Variants in ACOT13 observed in about 807,000 individuals in gnomAD.
ACOT13 encodes acyl-coenzyme A thioesterase 13.
In ACOT13, 10 loss-of-function variants were observed where a neutral mutation model predicts 11.8. The ratio of observed to expected loss-of-function variants is 0.85; its 90% CI spans 0.53 to 1.44. The LOEUF (loss-of-function observed/expected upper bound fraction) is 1.44. Among genes scored for constraint, ACOT13 ranks in the 40% most tolerant of loss-of-function variants. The probability of loss-of-function intolerance (pLI) is 0.00; values close to 1 mark genes in which losing one functional copy is unlikely to be tolerated. For synonymous variants in ACOT13, 53 were observed against 61.0 expected (o/e 0.87, Z 0.61); for missense variants, 172 against 174.1 (o/e 0.99, Z 0.07).
At chr6:24,697,298 C>G (rs575884741) in intron 1 of ACOT13, among the ~76,000 whole-genome samples, 1 of 152,242 alleles carries the variant, frequency 6.6e-6, no homozygotes, top group South Asian at 2.1e-4. Context: ...TTGAACTGTT[C>G]ATTAAGTGAC....
chr6:24,674,662 T>G (rs1457998282), intron 1 of ACOT13, among the ~76,000 whole-genome samples: 2 of 152,180 alleles, frequency 1.3e-5, no homozygotes, highest in African/African-American at 2.4e-5. Flanking sequence ...GTGATCTGAC[T>G]GCCTTGGCCT....
chr6:24,697,840 A>T, intron 1 of ACOT13, 43 bp from the exon 2 acceptor site: 2 of 1,487,968 alleles, frequency 1.3e-6, no homozygotes, highest in Admixed American at 2.3e-5. Flanking sequence ...GGCTTTTCTA[A>T]TTCTACAGAA....
chr6:24,676,985 T>C (rs1778464637), intron 1 of ACOT13, among the ~76,000 whole-genome samples: 1 of 152,176 alleles, frequency 6.6e-6, no homozygotes, highest in Non-Finnish European at 1.5e-5. Flanking sequence ...CCTTTTCCCT[T>C]CTCCTAATTC....
chr6:24,699,028 C>T (rs999448329), intron 2 of ACOT13, among the ~76,000 whole-genome samples: 7 of 152,146 alleles, frequency 4.6e-5, no homozygotes, highest in African/African-American at 1.7e-4. Context: ...ATGTAAGAAA[C>T]TCAATTCCAA....
rs200470807 is a variant in ACOT13, at chr6:24,697,991, G to A, written c.190G>A (p.Val64Ile). Reference protein sequence around the residue: ...TLHGGLTATLVDNISTMALLC... With the variant: ...TLHGGLTATLIDNISTMALLC... The stretch of plus-strand genomic sequence containing the variant: ...CCACGGCGGTTTGACAGCCACGTTA[G>A]TAGATAACATATCAACAATGGCTCT... Residue 64 changes from valine (V) to isoleucine (I), a missense_variant, in exon 2 of 3, where the codon GTA becomes ATA. Coordinates refer to ENST00000230048, the MANE Select transcript of ACOT13 (RefSeq NM_018473.4). 849 of 1,613,966 alleles carry A rather than the reference G, an allele frequency of 5.3e-4. 12 individuals are homozygous for A. The South Asian group carries it at 8.1e-3, about 15-fold the overall frequency.
chr6:24,687,861 G>A (rs370147169), intron 1 of ACOT13, among the ~76,000 whole-genome samples: 21 of 151,832 alleles, frequency 1.4e-4, no homozygotes, highest in South Asian at 1.0e-3. Context: ...ACAGGCACGC[G>A]CCACCATGCC....
At chr6:24,671,827 A>T (rs568730747) in intron 1 of ACOT13, among the ~76,000 whole-genome samples, 6 of 152,340 alleles carry the variant, frequency 3.9e-5, no homozygotes, top group Middle Eastern at 3.4e-3. Context: ...CAATAATTTT[A>T]ACGTAACAAT....
intron 2 of ACOT13, among the ~76,000 whole-genome samples, chr6:24,700,114 T>TA (rs1308106682): frequency 6.6e-6 from 1 of 152,224 alleles, no homozygotes; most frequent in Non-Finnish European, 1.5e-5. Flanking sequence ...GGATGCCTGT[T>TA]AGACTGTGAC....
intron 1 of ACOT13, among the ~76,000 whole-genome samples, chr6:24,674,911 G>A (rs1443371879): frequency 1.6e-5 from 2 of 128,098 alleles, no homozygotes; most frequent in Non-Finnish European, 3.1e-5. Flanking sequence ...GCCCCGGTGT[G>A]TGATGTTCCC....
intron 1 of ACOT13, 147 bp downstream of exon 1, chr6:24,667,491 T>A: frequency 2.8e-6 from 2 of 724,366 alleles, no homozygotes; most frequent in Non-Finnish European, 4.7e-6. Context: ...TAATGATTAT[T>A]ACTTTAATGG....
intron 2 of ACOT13, 177 bp from the exon 3 acceptor site, chr6:24,701,282 A>T: frequency 2.3e-6 from 1 of 430,798 alleles, no homozygotes; most frequent in Non-Finnish European, 3.9e-6. Flanking sequence ...GGAATGGGTA[A>T]AATAGAACCT....
chr6:24,689,276 A>C (rs1043405462), intron 1 of ACOT13, among the ~76,000 whole-genome samples: 1 of 152,196 alleles, frequency 6.6e-6, no homozygotes, highest in Non-Finnish European at 1.5e-5. Context: ...GAAATAACAC[A>C]TTTTAAGAAA....
Position 24,703,021 on chromosome 6 carries a change from G to C in ACOT13, c.*1406G>C, listed in dbSNP as rs1424886780. On this transcript the variant is annotated 3_prime_UTR_variant, in exon 3 of 3. Coordinates refer to ENST00000230048, the MANE Select transcript of ACOT13 (RefSeq NM_018473.4). ...TCCACCTCAGTCTCCTGAGTAGCTG[G>C]AACTACAGGCGTGTGCCACCACGCC... is the stretch of plus-strand genomic sequence containing the variant. 2 of 152,352 alleles carry C rather than the reference G, an allele frequency of 1.3e-5. No homozygotes were observed. Among genetic ancestry groups the C allele is most frequent in the East Asian group, 1.9e-4 (1 of 5,174 alleles). 9.4% of individuals were successfully genotyped at this position (152,352 alleles called of 1,614,324 possible). A position where few individuals can be genotyped will look rare whatever the true frequency, so the allele number is the denominator to read the frequency against.
At chr6:24,679,737 A>G (rs1582436998) in intron 1 of ACOT13, among the ~76,000 whole-genome samples, 1 of 152,224 alleles carries the variant, frequency 6.6e-6, no homozygotes, top group East Asian at 1.9e-4. Flanking sequence ...GGCTGCAGTT[A>G]TGGCGACACT....
intron 1 of ACOT13, among the ~76,000 whole-genome samples, chr6:24,681,206 G>GT (rs1778543309): frequency 6.6e-6 from 1 of 151,998 alleles, no homozygotes; most frequent in African/African-American, 2.4e-5. Context: ...TTAGAATAAT[G>GT]TAACTGGTGA....
chr6:24,694,057 G>T (rs371713966), intron 1 of ACOT13, among the ~76,000 whole-genome samples: 1 of 152,148 alleles, frequency 6.6e-6, no homozygotes, highest in Non-Finnish European at 1.5e-5. Context: ...GAGACAGCAC[G>T]ATATAAGGCC....
At chr6:24,687,664 C>T in intron 1 of ACOT13, 1 of 1,512,266 alleles carries the variant, frequency 6.6e-7, no homozygotes, top group Non-Finnish European at 8.9e-7. Flanking sequence ...AGAAAGAAAG[C>T]ATGTAAAGAA....
intron 1 of ACOT13, among the ~76,000 whole-genome samples, chr6:24,692,709 T>C (rs1308321088): frequency 6.6e-6 from 1 of 152,230 alleles, no homozygotes; most frequent in African/African-American, 2.4e-5. Context: ...ACCTGTGATA[T>C]ACCAGGCCTT....
At chr6:24,670,632 A>C (rs1230688095) in intron 1 of ACOT13, among the ~76,000 whole-genome samples, 1 of 152,258 alleles carries the variant, frequency 6.6e-6, no homozygotes, top group Non-Finnish European at 1.5e-5. Flanking sequence ...GTATTGGCAC[A>C]AGTTAAGAAT....
Sources: gnomAD v4.1 joint callset for allele counts (sites outside exome capture counted in the v4.1 genomes callset) on GRCh38, gnomAD v4.1.1 for gene constraint, MANE v1.5 for transcripts, NCBI Gene and HGNC (gene_info 2026-07-23, HGNC 2026-07-21) for gene names.